ADCY10: variants seen among roughly 807,000 people sequenced by gnomAD.
ADCY10 encodes adenylate cyclase 10.
In ADCY10, 156 loss-of-function variants were observed where a neutral mutation model predicts 183.3. That is an observed-to-expected ratio of 0.85 (90% CI 0.75 to 0.97). The LOEUF (loss-of-function observed/expected upper bound fraction) is 0.97, where lower values mean the gene tolerates loss of function less well. Among genes scored for constraint, ADCY10 ranks in the 50% least tolerant of loss-of-function variants. The pLI is 0.00. For missense variants in ADCY10, 1,745 were observed against 1,934.3 expected (o/e 0.90, Z 1.84); for synonymous variants, 645 against 670.0 (o/e 0.96, Z 0.58).
rs748557475 is a variant in ADCY10 at position 167,824,739 on chromosome 1, G to A, written c.3867C>T (p.Gly1289=). 6.2e-7 allele frequency: 1 copy of A among 1,614,144 alleles called. No individual in the cohort carries two copies. Among genetic ancestry groups the A allele is most frequent in the Admixed American group, 1.7e-5 (1 of 60,020 alleles). ...MEHIFNLPLK[G]EGIEIVAYVA... ...CGTATGCCACGATTTCAATGCCCTC[G>A]CCTTTCAGGGGGAGGTTGAAGATGT... The change falls in exon 27 of 33, where the codon GGC becomes GGT. Residue 1289 remains glycine, a synonymous_variant. Coordinates refer to ENST00000367851, the MANE Select transcript of ADCY10 (RefSeq NM_018417.6).
intron 26 of ADCY10, among the ~76,000 whole-genome samples, chr1:167,828,344 C>A (rs1663466848): frequency 6.6e-6 from 1 of 152,144 alleles, no homozygotes; most frequent in South Asian, 2.1e-4. Flanking sequence ...TAAATAAAAT[C>A]TTTGATGTGT....
intron 19 of ADCY10, among the ~76,000 whole-genome samples, chr1:167,846,757 G>A (rs962079907): frequency 2.0e-5 from 3 of 152,104 alleles, no homozygotes; most frequent in Non-Finnish European, 4.4e-5. Context: ...TCTGTGTCAT[G>A]ACCAAGTGTC....
rs547678195 is a variant in ADCY10, at chr1:167,900,636, A to G, written c.437-1008T>C. Among the ~76,000 whole-genome samples the G allele has an allele frequency of 2.0e-5, 3 of 152,082 alleles. No individual in the cohort carries two copies. In the South Asian group the frequency reaches 6.2e-4, roughly 32 times the overall value. On this transcript the variant is annotated intron_variant, in intron 5 of 32. Transcript: ENST00000367851. The stretch of plus-strand genomic sequence containing the variant: ...CAACCTCCGCCTCCTGGGTTCAAGC[A>G]ATTCTCCTGCCTCAGCCTCCCAAGT...
chr1:167,815,254 A>G (rs1170030652), intron 31 of ADCY10, among the ~76,000 whole-genome samples: 1 of 152,188 alleles, frequency 6.6e-6, no homozygotes, highest in African/African-American at 2.4e-5. Context: ...AGGAAAAAAA[A>G]TCTCTCATTC....
At chr1:167,883,688 C>G in intron 8 of ADCY10, 60 bp from the exon 9 acceptor site, 2 of 1,517,748 alleles carry the variant, frequency 1.3e-6, no homozygotes, top group Admixed American at 3.4e-5. Context: ...TCCCCCAACA[C>G]CGCCCCCACC....
intron 14 of ADCY10, among the ~76,000 whole-genome samples, chr1:167,862,971 A>C (rs1337780304): frequency 6.6e-6 from 1 of 152,192 alleles, no homozygotes; most frequent in Admixed American, 6.5e-5. Flanking sequence ...TCCTTATATG[A>C]AAATAAATAA....
chr1:167,857,107 A>G lies in ADCY10; in HGVS notation c.1897-668T>C, dbSNP rs144689934. On this transcript the variant is annotated intron_variant, in intron 16 of 32. Transcript: ENST00000367851. ...TACTGGGAATACAGTCTCAAACAAAATACGGAGCCTACATTTTAGCGTCAA... is the reference window on the plus strand; with the variant it reads ...TACTGGGAATACAGTCTCAAACAAAGTACGGAGCCTACATTTTAGCGTCAA... Among the ~76,000 whole-genome samples, 506 of 152,338 alleles carry G rather than the reference A, an allele frequency of 3.3e-3. 1 individual carries two copies. Among genetic ancestry groups the G allele is most frequent in the Non-Finnish European group, 5.8e-3 (392 of 68,028 alleles).
Position 167,883,576 on chromosome 1 carries a change from ATCGTC to A in ADCY10, c.876_880del (p.Thr293CysfsTer8). ...TTCAAACATCAGGTTCACAAACACA[ATCGTC>A]ACTGGGCGAAGCTCAGATAAATAGC... On this transcript the variant is annotated frameshift_variant, in exon 9 of 33. Transcript: ENST00000367851. LOFTEE classifies it high-confidence loss of function. The A allele has an allele frequency of 6.2e-7, 1 of 1,614,230 alleles. No individual in the cohort carries two copies. The highest frequency in any genetic ancestry group is 8.5e-7 in the Non-Finnish European group (1 of 1,180,046).
At chr1:167,811,080 T>C (rs1350253678) in intron 31 of ADCY10, among the ~76,000 whole-genome samples, 167 bp from the exon 32 acceptor site, 1 of 152,210 alleles carries the variant, frequency 6.6e-6, no homozygotes, top group Non-Finnish European at 1.5e-5. Flanking sequence ...AGACAATAAA[T>C]GTCAGGCAGA....
rs60898819 is a variant in ADCY10 at position 167,840,546 on chromosome 1, T to G, written c.3008-3228A>C. Among the ~76,000 whole-genome samples the G allele has an allele frequency of 5.1e-3, 781 of 151,916 alleles. 10 individuals are homozygous for G. Among genetic ancestry groups the G allele is most frequent in the African/African-American group, 0.018 (733 of 41,394 alleles). ...TAATTTTTTGTATTTTTAGTGGAGA[T>G]GGGGTTTCACTGTGTTAGCTAGGAT... On this transcript the variant is annotated intron_variant, in intron 21 of 32. Coordinates refer to ENST00000367851, the MANE Select transcript of ADCY10 (RefSeq NM_018417.6).
At chr1:167,900,453 G>A (rs1669323822) in intron 5 of ADCY10, among the ~76,000 whole-genome samples, 3 of 152,060 alleles carry the variant, frequency 2.0e-5, no homozygotes, top group Admixed American at 1.3e-4. Flanking sequence ...TAACACATCA[G>A]ACTCCTTGGG....
chr1:167,849,374 G>C (rs1665302474), intron 18 of ADCY10, among the ~76,000 whole-genome samples: 1 of 152,124 alleles, frequency 6.6e-6, no homozygotes. Flanking sequence ...CATTCATGTA[G>C]TCCTTGGTAG....
chr1:167,847,520 A>G (rs1009662053), intron 19 of ADCY10, among the ~76,000 whole-genome samples: 1 of 151,748 alleles, frequency 6.6e-6, no homozygotes, highest in African/African-American at 2.4e-5. Flanking sequence ...GGTTCAAGCA[A>G]TTCTCCTGCC....
intron 18 of ADCY10, among the ~76,000 whole-genome samples, chr1:167,853,394 C>T (rs910717652): frequency 2.6e-5 from 4 of 152,054 alleles, no homozygotes; most frequent in South Asian, 2.1e-4. Flanking sequence ...CAGCTAGGGA[C>T]CTTAGGACCC....
chr1:167,854,882 G>T (rs1665772577), intron 17 of ADCY10, among the ~76,000 whole-genome samples: 1 of 152,144 alleles, frequency 6.6e-6, no homozygotes, highest in Non-Finnish European at 1.5e-5. Context: ...GTGCCAAATT[G>T]GTGCCTGGAG....
At chr1:167,817,236 G>A (rs955236968) in intron 31 of ADCY10, among the ~76,000 whole-genome samples, 1 of 152,146 alleles carries the variant, frequency 6.6e-6, no homozygotes, top group Non-Finnish European at 1.5e-5. Context: ...ATGGTGGCAC[G>A]TGCCTGTAAT....
At chr1:167,866,169 G>C (rs1160322149) in intron 14 of ADCY10, among the ~76,000 whole-genome samples, 1 of 152,204 alleles carries the variant, frequency 6.6e-6, no homozygotes, top group African/African-American at 2.4e-5. Flanking sequence ...AATAACTGGA[G>C]TGGCACTTAT....
chr1:167,876,096 A>G (rs2102207403), intron 12 of ADCY10, among the ~76,000 whole-genome samples: 1 of 152,014 alleles, frequency 6.6e-6, no homozygotes, highest in East Asian at 1.9e-4. Context: ...GTCTCTACTA[A>G]AAATACAAAA....
At chr1:167,895,701 C>T (rs991025470) in intron 7 of ADCY10, among the ~76,000 whole-genome samples, 6 of 152,212 alleles carry the variant, frequency 3.9e-5, no homozygotes, top group Non-Finnish European at 7.3e-5. Flanking sequence ...GCTGTTAGGT[C>T]TGAGACTCGG....
Sources: allele counts gnomAD v4.1 joint callset (sites outside exome capture counted in the v4.1 genomes callset), GRCh38; gene constraint gnomAD v4.1.1; transcripts MANE v1.5; gene names NCBI Gene and HGNC (gene_info 2026-07-23, HGNC 2026-07-21).